The following TGM6 variants were observed in gnomAD, a reference collection of about 807,000 sequenced individuals.
TGM6 encodes the protein transglutaminase 6.
A neutral mutation model predicts 77.5 loss-of-function variants in TGM6; 74 were observed. That is an observed-to-expected ratio of 0.96 (90% CI 0.79 to 1.16). The LOEUF (loss-of-function observed/expected upper bound fraction) is 1.16, where lower values mean the gene tolerates loss of function less well. Among genes scored for constraint, TGM6 ranks in the 50% most tolerant of loss-of-function variants. TGM6 has a pLI of 0.00. For synonymous variants in TGM6, 383 were observed against 378.9 expected, an observed-to-expected ratio of 1.01 and a Z score of -0.12; for missense variants, 968 against 940.2, an observed-to-expected ratio of 1.03 and a Z score of -0.39.
At chr20:2,401,939 T>C (rs2084712631) in intron 7 of TGM6, among the ~76,000 whole-genome samples, 1 of 152,184 alleles carries the variant, frequency 6.6e-6, no homozygotes, top group Non-Finnish European at 1.5e-5. Flanking sequence ...GCCAACTTTC[T>C]AAAGATTAGG....
chr20:2,396,435 G>C, intron 3 of TGM6, 71 bp from the exon 4 acceptor site: 2 of 1,495,020 alleles, frequency 1.3e-6, no homozygotes, highest in East Asian at 2.3e-5. Flanking sequence ...GCTGATCCCT[G>C]ATGCAGCCCC....
At position 2,431,124 on chromosome 20, in the gene TGM6, C is replaced by G. The variant is rs112319493; in HGVS notation, c.1967+97C>G. ...CAGGGATGGGGGTGTGAGAGAGATT[C>G]TGGACACCCCAGGAACCAGCCCACA... On this transcript the variant is annotated intron_variant, in intron 12 of 12. Coordinates refer to ENST00000202625, the MANE Select transcript of TGM6 (RefSeq NM_198994.3). 430 of 1,524,238 alleles carry G rather than the reference C, an allele frequency of 2.8e-4. 1 individual carries two copies. In the African/African-American group the frequency reaches 5.0e-3, roughly 18 times the overall value. The allele number at this position is 1,524,238 out of a possible 1,614,324, so 94.4% of individuals were successfully genotyped here.
chr20:2,414,808 C>A (rs138479159), intron 9 of TGM6, among the ~76,000 whole-genome samples: 2 of 151,564 alleles, frequency 1.3e-5, no homozygotes, highest in Non-Finnish European at 2.9e-5. Flanking sequence ...CAAAAGACCA[C>A]GTGTTGTATG....
chr20:2,400,971 A>G (rs553908371), intron 7 of TGM6, among the ~76,000 whole-genome samples: 2 of 152,198 alleles, frequency 1.3e-5, no homozygotes, highest in South Asian at 4.1e-4. Context: ...CCCAGGAGGC[A>G]GAGGTTGCAG....
intron 9 of TGM6, among the ~76,000 whole-genome samples, chr20:2,408,083 A>G (rs2084763591): frequency 6.6e-6 from 1 of 152,142 alleles, no homozygotes; most frequent in Admixed American, 6.5e-5. Flanking sequence ...AAAGGTTGAG[A>G]AGGCATTCCA....
At chr20:2,393,218 C>T in intron 1 of TGM6, among the ~76,000 whole-genome samples, 1 of 152,270 alleles carries the variant, frequency 6.6e-6, no homozygotes. Context: ...CCTGACCTGA[C>T]ATGCATATTC....
chr20:2,411,456 T>TAA (rs72545468), intron 9 of TGM6, among the ~76,000 whole-genome samples: 22,990 of 150,852 alleles, frequency 0.15, 1,888 homozygotes, highest in East Asian at 0.24. Context: ...CCCTTTATGA[T>TAA]AAAAAAAAAC....
intron 9 of TGM6, among the ~76,000 whole-genome samples, chr20:2,407,444 C>T (rs2084759779): frequency 6.6e-6 from 1 of 152,100 alleles, no homozygotes; most frequent in Admixed American, 6.5e-5. Context: ...CATGGCGAAA[C>T]CCCATTTCTA....
intron 10 of TGM6, 111 bp downstream of exon 10, chr20:2,417,684 G>A (rs1269224296): frequency 8.9e-6 from 11 of 1,236,634 alleles, no homozygotes; most frequent in Non-Finnish European, 1.3e-5. Flanking sequence ...GAAGGAAGGG[G>A]ACATTCCTGA....
At chr20:2,421,234 C>T (rs1176056604) in intron 10 of TGM6, among the ~76,000 whole-genome samples, 1 of 152,208 alleles carries the variant, frequency 6.6e-6, no homozygotes, top group African/African-American at 2.4e-5. Context: ...ATCCACCTGC[C>T]TCGGCCTCCC....
chr20:2,403,765 C>T lies in TGM6; in HGVS notation c.1278C>T (p.Thr426=). 1.2e-6 allele frequency: 2 copies of T among 1,614,190 alleles called. No individual in the cohort carries two copies. Among genetic ancestry groups the T allele is most frequent in the South Asian group, 1.1e-5 (1 of 91,092 alleles). Residue 426 remains threonine, a synonymous_variant, in exon 9 of 13, where the codon ACC becomes ACT. Coordinates refer to ENST00000202625, the MANE Select transcript of TGM6 (RefSeq NM_198994.3). ...AGAAGATTGGGAGATGCATCAGCAC[C>T]AAGGCGGTGGGCAGTGACTCCCGCG... ...NTKKIGRCIS[T]KAVGSDSRVD...
chr20:2,411,711 C>T (rs908528637), intron 9 of TGM6, among the ~76,000 whole-genome samples: 3 of 152,004 alleles, frequency 2.0e-5, no homozygotes, highest in African/African-American at 7.3e-5. Flanking sequence ...AACTGGATAT[C>T]TATGTGCAAA....
In TGM6 at chr20:2,397,842, C is replaced by T. The variant is rs375666042; in HGVS notation, c.544-76C>T. 3.9e-5 allele frequency: 63 copies of T among 1,612,216 alleles called. No homozygotes were observed. The African/African-American group carries it at 6.1e-4, about 16-fold the overall frequency. On this transcript the variant is annotated intron_variant, in intron 4 of 12. Coordinates refer to ENST00000202625, the MANE Select transcript of TGM6 (RefSeq NM_198994.3). ...GCCCTGCACAGATGGGGTGACTGAC[C>T]GGGTGAGGGCTGTGGGAGGGCCTGG... is the stretch of plus-strand genomic sequence containing the variant.
chr20:2,425,422 G>A (rs1226462710), intron 10 of TGM6, among the ~76,000 whole-genome samples: 1 of 148,272 alleles, frequency 6.7e-6, no homozygotes, highest in East Asian at 2.0e-4. Flanking sequence ...TTATAGAGTT[G>A]CCTGACTCAG....
At position 2,394,568 on chromosome 20, in the gene TGM6, C is replaced by T; in HGVS notation, c.124C>T (p.Leu42=). 1.2e-6 allele frequency: 2 copies of T among 1,612,404 alleles called. No homozygotes were observed. Among genetic ancestry groups the T allele is most frequent in the Non-Finnish European group, 1.7e-6 (2 of 1,179,852 alleles). The change falls in exon 2 of 13, where the codon CTG becomes TTG. Residue 42 remains leucine, a synonymous_variant. Coordinates refer to ENST00000202625, the MANE Select transcript of TGM6 (RefSeq NM_198994.3). ...VRRGQSFSLT[L]ELSRALDCEE... is the part of the protein sequence containing the mutation. ...CAGGGGCCAGTCGTTCAGCCTCACG[C>T]TGGAGCTGAGCAGAGCCCTGGACTG...
intron 5 of TGM6, among the ~76,000 whole-genome samples, chr20:2,398,361 G>A (rs1440179910): frequency 1.3e-5 from 2 of 152,152 alleles, no homozygotes; most frequent in Non-Finnish European, 2.9e-5. Context: ...TCTGGTGGTT[G>A]GCAGTTCCTA....
intron 5 of TGM6, 123 bp downstream of exon 5, chr20:2,398,169 C>T (rs1011241693): frequency 1.3e-6 from 2 of 1,523,382 alleles, no homozygotes; most frequent in Non-Finnish European, 1.8e-6. Context: ...GCAGAACCAA[C>T]CACCCCAAAA....
chr20:2,421,237 G>A (rs1450508069), intron 10 of TGM6, among the ~76,000 whole-genome samples: 12 of 152,094 alleles, frequency 7.9e-5, no homozygotes, highest in Non-Finnish European at 1.6e-4. Flanking sequence ...CACCTGCCTC[G>A]GCCTCCCAAA....
intron 11 of TGM6, 143 bp downstream of exon 11, chr20:2,430,743 G>T: frequency 1.3e-6 from 2 of 1,585,784 alleles, no homozygotes; most frequent in Non-Finnish European, 1.7e-6. Context: ...TGGACATAAG[G>T]GGATGGGTGC....
Sources: allele counts gnomAD v4.1 joint callset (sites outside exome capture counted in the v4.1 genomes callset), GRCh38; gene constraint gnomAD v4.1.1; transcripts MANE v1.5; gene names NCBI Gene and HGNC (gene_info 2026-07-23, HGNC 2026-07-21).